CHRNA9: variants seen among roughly 807,000 people sequenced by gnomAD.
CHRNA9 encodes the protein cholinergic receptor nicotinic alpha 9 subunit.
A neutral mutation model predicts 36.8 loss-of-function variants in CHRNA9; 24 were observed. That is an observed-to-expected ratio of 0.65 (90% CI 0.47 to 0.92). CHRNA9 has a LOEUF of 0.92. Ranked by LOEUF, CHRNA9 falls within the 40% of genes least tolerant of loss-of-function variation. The pLI is 0.00. For synonymous variants in CHRNA9, 231 were observed against 231.8 expected (o/e 1.00, Z 0.03); for missense variants, 610 against 601.2 (o/e 1.01, Z -0.15).
intron 4 of CHRNA9, among the ~76,000 whole-genome samples, chr4:40,353,109 C>T (rs4264869): frequency 0.46 from 70,042 of 151,826 alleles, 17,301 homozygotes; most frequent in East Asian, 0.82. Flanking sequence ...TGCTGAAGGC[C>T]GAAAGTCCAG....
chr4:40,346,779 AAT>A (rs1712648030), intron 3 of CHRNA9, among the ~76,000 whole-genome samples: 1 of 152,018 alleles, frequency 6.6e-6, no homozygotes, highest in Non-Finnish European at 1.5e-5. Context: ...TTCTTTAAAA[AAT>A]ATATATAGAC....
intron 3 of CHRNA9, among the ~76,000 whole-genome samples, chr4:40,342,435 G>A (rs932110091): frequency 2.0e-5 from 3 of 152,154 alleles, no homozygotes; most frequent in Non-Finnish European, 2.9e-5. Flanking sequence ...GAAAGAAAAT[G>A]GCTGAGAATA....
chr4:40,342,110 G>T (rs73146119), intron 3 of CHRNA9, among the ~76,000 whole-genome samples: 1 of 152,012 alleles, frequency 6.6e-6, no homozygotes, highest in Non-Finnish European at 1.5e-5. Flanking sequence ...TGAGGAACTG[G>T]GTGCCCTATT....
chr4:40,340,821 T>C (rs1193724987), intron 3 of CHRNA9, among the ~76,000 whole-genome samples: 1 of 151,972 alleles, frequency 6.6e-6, no homozygotes, highest in Non-Finnish European at 1.5e-5. Flanking sequence ...AATTTGCTGA[T>C]GCTTAGTTTG....
chr4:40,348,859 CAT>C, intron 3 of CHRNA9, 21 bp from the exon 4 acceptor site: 1 of 1,603,840 alleles, frequency 6.2e-7, no homozygotes, highest in African/African-American at 1.3e-5. Context: ...ATGCGGCTTT[CAT>C]TTTCCTTATC....
intron 4 of CHRNA9, among the ~76,000 whole-genome samples, chr4:40,351,214 C>T (rs112419906): frequency 0.17 from 25,767 of 151,174 alleles, 2,800 homozygotes; most frequent in Non-Finnish European, 0.25. Context: ...TGCCTGTAAT[C>T]CCAGCTACTT....
Position 40,335,472 on chromosome 4 carries a change from A to C in CHRNA9, c.5A>C (p.Asn2Thr). The stretch of plus-strand genomic sequence containing the variant: ...TTATAGAGGCTCAGGAAAAAGATGA[A>C]CTGGTCCCATTCCTGCATCTCCTTT... M[N>T]WSHSCISFCW... is the part of the protein sequence containing the mutation. The change falls in exon 1 of 5, where the codon AAC becomes ACC. Residue 2 changes from asparagine to threonine, a missense_variant. Physicochemically the swap from Asn to Thr is moderately conservative, Grantham distance 65. Coordinates refer to ENST00000310169, the MANE Select transcript of CHRNA9 (RefSeq NM_017581.4). 1 of 1,612,790 alleles carries C rather than the reference A, an allele frequency of 6.2e-7. No individual in the cohort carries two copies. Among genetic ancestry groups the C allele is most frequent in the Non-Finnish European group, 8.5e-7 (1 of 1,178,736 alleles).
At chr4:40,342,633 G>A (rs1023891649) in intron 3 of CHRNA9, among the ~76,000 whole-genome samples, 6 of 152,166 alleles carry the variant, frequency 3.9e-5, no homozygotes, top group Non-Finnish European at 7.4e-5. Flanking sequence ...GAAGTCTTGA[G>A]ATTTGCCTAG....
chr4:40,347,475 T>A (rs916349092), intron 3 of CHRNA9, among the ~76,000 whole-genome samples: 8 of 152,232 alleles, frequency 5.3e-5, no homozygotes, highest in African/African-American at 1.9e-4. Context: ...TATAATAGAA[T>A]GCTATTTAGA....
chr4:40,341,295 C>A (rs1466576010), intron 3 of CHRNA9, among the ~76,000 whole-genome samples: 6 of 117,648 alleles, frequency 5.1e-5, no homozygotes, highest in Non-Finnish European at 7.4e-5. Flanking sequence ...TGTTTTTTGG[C>A]GGGGGTGGTG....
chr4:40,351,367 G>C (rs1383034193), intron 4 of CHRNA9, among the ~76,000 whole-genome samples: 1 of 151,604 alleles, frequency 6.6e-6, no homozygotes, highest in Non-Finnish European at 1.5e-5. Context: ...AGAAAGATAG[G>C]GTCTCACTAT....
Position 40,337,271 on chromosome 4 carries a change from A to G in CHRNA9, c.272A>G (p.Tyr91Cys), listed in dbSNP as rs1290974410. ...ATCCGCCAAATCTGGCACGATGCCT[A>G]TCTCACGTGGGACCGAGATCAGTAC... ...LWIRQIWHDAYLTWDRDQYDG... is the reference protein window; with the variant it reads ...LWIRQIWHDACLTWDRDQYDG... The change falls in exon 3 of 5, where the codon TAT becomes TGT. Residue 91 changes from tyrosine to cysteine, a missense_variant. Physicochemically the swap from Tyr to Cys is radical, Grantham distance 194. Coordinates refer to ENST00000310169, the MANE Select transcript of CHRNA9 (RefSeq NM_017581.4). 2 of 1,614,204 alleles carry G rather than the reference A, an allele frequency of 1.2e-6. No homozygotes were observed. Among genetic ancestry groups the G allele is most frequent in the South Asian group, 1.1e-5 (1 of 91,078 alleles).
intron 3 of CHRNA9, among the ~76,000 whole-genome samples, chr4:40,347,214 C>G (rs1198828704): frequency 6.6e-6 from 1 of 152,072 alleles, no homozygotes. Context: ...TGCTTGTCAC[C>G]GAGTAGTGTA....
At chr4:40,350,377 T>A (rs980635575) in intron 4 of CHRNA9, among the ~76,000 whole-genome samples, 16 of 152,144 alleles carry the variant, frequency 1.1e-4, no homozygotes, top group African/African-American at 3.9e-4. Context: ...CTTGCCTAGC[T>A]TGTTCTGAGG....
chr4:40,336,948 T>C (rs1255682231), intron 2 of CHRNA9, among the ~76,000 whole-genome samples: 1 of 152,168 alleles, frequency 6.6e-6, no homozygotes, highest in Non-Finnish European at 1.5e-5. Context: ...TTTCAGGAAA[T>C]ATAGGCAGTT....
intron 3 of CHRNA9, among the ~76,000 whole-genome samples, chr4:40,340,467 C>A (rs747910373): frequency 6.6e-6 from 1 of 152,120 alleles, no homozygotes; most frequent in Non-Finnish European, 1.5e-5. Context: ...AAGAGTGTTG[C>A]AGGATCAGGC....
At chr4:40,344,906 C>T (rs1038995390) in intron 3 of CHRNA9, among the ~76,000 whole-genome samples, 1 of 152,104 alleles carries the variant, frequency 6.6e-6, no homozygotes, top group African/African-American at 2.4e-5. Context: ...ACTGGAGAGG[C>T]AGGGAAGGCT....
Position 40,348,948 on chromosome 4 carries a change from C to G in CHRNA9, c.432C>G (p.Thr144=). 6.2e-7 allele frequency: 1 copy of G among 1,614,132 alleles called. No homozygotes were observed. The highest frequency in any genetic ancestry group is 1.3e-5 in the African/African-American group (1 of 75,022). Residue 144 remains threonine (T), a synonymous_variant, in exon 4 of 5, where the codon ACC becomes ACG. Coordinates refer to ENST00000310169, the MANE Select transcript of CHRNA9 (RefSeq NM_017581.4). ...NVVLRYDGLI[T]WDAPAITKSS... is the part of the protein sequence containing the mutation. ...TCCTGCGGTATGATGGGCTGATCACCTGGGATGCACCGGCCATCACCAAAA... is the reference window on the plus strand; with the variant it reads ...TCCTGCGGTATGATGGGCTGATCACGTGGGATGCACCGGCCATCACCAAAA...
chr4:40,349,215 G>A lies in CHRNA9; in HGVS notation c.699G>A (p.Leu233=), dbSNP rs1233251124. 1 of 1,613,924 alleles carries A rather than the reference G, an allele frequency of 6.2e-7. No homozygotes were observed. The highest frequency in any genetic ancestry group is 1.3e-5 in the African/African-American group (1 of 74,894). The part of the protein sequence containing the change: ...PYPDVTFTLL[L]KRRSSFYIVN... ...CGGATGTCACATTCACCCTCCTTCTGAAGAGGAGGTCCTCGTTCTATATCG... is the reference window on the plus strand; with the variant it reads ...CGGATGTCACATTCACCCTCCTTCTAAAGAGGAGGTCCTCGTTCTATATCG... Residue 233 remains leucine (L), a synonymous_variant, in exon 4 of 5, where the codon CTG becomes CTA. Transcript: ENST00000310169.
Sources: gnomAD v4.1 joint callset for allele counts (sites outside exome capture counted in the v4.1 genomes callset) on GRCh38, gnomAD v4.1.1 for gene constraint, MANE v1.5 for transcripts, NCBI Gene and HGNC (gene_info 2026-07-23, HGNC 2026-07-21) for gene names.